The following ERFL variants were observed in gnomAD, a reference collection of about 807,000 sequenced individuals.
ERFL encodes the protein ETS domain-containing transcription factor ERF-like.
A neutral mutation model predicts 27.9 loss-of-function variants in ERFL; 8 were observed. That is an observed-to-expected ratio of 0.29 (90% CI 0.17 to 0.52). ERFL has a LOEUF of 0.52. ERFL is among the 20% of genes least tolerant of loss of function. The pLI, the probability that ERFL is intolerant of heterozygous loss-of-function variation, is 0.97. For synonymous variants in ERFL, 174 were observed against 202.8 expected (o/e 0.86, Z 1.21); for missense variants, 294 against 444.4 (o/e 0.66, Z 3.04).
chr19:41,917,482 C>G lies in ERFL; in HGVS notation c.-13-4550G>C, dbSNP rs1299309380. ...CCTTCATCCCTCACCCAGGCCCCCC[C>G]ATCCCCACCTCCCCTTAACACAATC... On this transcript the variant is annotated intron_variant, in intron 1 of 5. Coordinates refer to ENST00000597630, the MANE Select transcript of ERFL (RefSeq NM_001365103.2). The surrounding 1 kb of genome is among the most constrained non-coding windows in gnomAD (Gnocchi z 4.8). Among the ~76,000 whole-genome samples, 1 of 151,882 alleles carries G rather than the reference C, an allele frequency of 6.6e-6. No individual in the cohort carries two copies. The highest frequency in any genetic ancestry group is 1.5e-5 in the Non-Finnish European group (1 of 67,960).
chr19:41,908,263 T>TG lies in ERFL; in HGVS notation c.1029dup (p.Lys344GlnfsTer89), dbSNP rs1216275352. 129 of 1,231,558 alleles carry TG rather than the reference T, an allele frequency of 1.0e-4. No individual in the cohort carries two copies. The highest frequency in any genetic ancestry group is 1.2e-4 in the South Asian group (3 of 24,316). The allele number at this position is 1,231,558 out of a possible 1,614,324, so 76.3% of individuals were successfully genotyped here. On this transcript the variant is annotated frameshift_variant, in exon 6 of 6. Coordinates refer to ENST00000597630, the MANE Select transcript of ERFL (RefSeq NM_001365103.2). LOFTEE classifies it high-confidence loss of function. This position sits in a 1 kb window ranked among gnomAD's most constrained non-coding sequence, Gnocchi z 6.7. ...GTCCCCCCTTTGCCCGCCTTTGCCT[T>TG]GGGGGGTGCCGGGAGACCCTCATCG...
chr19:41,915,889 C>T (rs2074798037), intron 1 of ERFL, among the ~76,000 whole-genome samples: 1 of 152,204 alleles, frequency 6.6e-6, no homozygotes, highest in Non-Finnish European at 1.5e-5. Flanking sequence ...GACAAACGGC[C>T]CCAGCCCCAG....
At chr19:41,927,232 C>A (rs1257416325) in intron 1 of ERFL, among the ~76,000 whole-genome samples, 1 of 152,056 alleles carries the variant, frequency 6.6e-6, no homozygotes, top group Non-Finnish European at 1.5e-5. Flanking sequence ...CAGGGCCCTG[C>A]GACAGTGGTG....
intron 1 of ERFL, among the ~76,000 whole-genome samples, chr19:41,926,888 C>CAGAGACAGAGATGCTGGG (rs2074874684): frequency 6.6e-6 from 1 of 151,858 alleles, no homozygotes; most frequent in Non-Finnish European, 1.5e-5. Flanking sequence ...GAGGGGGAGA[C>CAGAGACAGAGATGCTGGG]AGAGACAGAG....
In ERFL at chr19:41,912,929, G is replaced by A. The variant is rs2074762435; in HGVS notation, c.-10C>T. On this transcript the variant is annotated 5_prime_UTR_variant, in exon 2 of 6. Transcript: ENST00000597630. ...CGCAGCTACAGTCCATGGCGGAGCC[G>A]GCCCTGCAGAGGCCGGGAGGGACAC... 4 of 1,229,792 alleles carry A rather than the reference G, an allele frequency of 3.3e-6. No homozygotes were observed. Among genetic ancestry groups the A allele is most frequent in the East Asian group, 3.2e-5 (1 of 31,680 alleles). 76.2% of individuals were successfully genotyped at this position (1,229,792 alleles called of 1,614,324 possible).
intron 2 of ERFL, among the ~76,000 whole-genome samples, chr19:41,911,742 A>G (rs2074752883): frequency 1.3e-5 from 2 of 152,166 alleles, no homozygotes; most frequent in African/African-American, 4.8e-5. Context: ...ACACACCCAC[A>G]GGACCCCAAG....
At chr19:41,915,232 A>AGGAGCC (rs2074793416) in intron 1 of ERFL, among the ~76,000 whole-genome samples, 1 of 145,106 alleles carries the variant, frequency 6.9e-6, no homozygotes, top group African/African-American at 2.6e-5. Context: ...CGTTATAACG[A>AGGAGCC]GGAGCCGTGG....
rs2074804035 is a variant in ERFL, at chr19:41,916,758, A to G, written c.-13-3826T>C. ...ACACCAGCACCAACCCAGACAGCCAACGCACACGGCCACACACACACCCAT... is the reference window on the plus strand; with the variant it reads ...ACACCAGCACCAACCCAGACAGCCAGCGCACACGGCCACACACACACCCAT... On this transcript the variant is annotated intron_variant, in intron 1 of 5. Transcript: ENST00000597630. The surrounding 1 kb of genome is among the most constrained non-coding windows in gnomAD (Gnocchi z 5.4). Among the ~76,000 whole-genome samples, 1 of 151,954 alleles carries G rather than the reference A, an allele frequency of 6.6e-6. No individual in the cohort carries two copies. Among genetic ancestry groups the G allele is most frequent in the African/African-American group, 2.4e-5 (1 of 41,330 alleles).
Position 41,910,089 on chromosome 19 carries a change from A to G in ERFL, c.76T>C (p.Phe26Leu), listed in dbSNP as rs1210107291. ...LPALWTPGFA[F>L]PDWAYKPESS... ...TCTGGCTTGTAGGCCCAATCCGGGA[A>G]GGCAAACCCTGGGGACGGGAGGCAG... The change falls in exon 3 of 6, where the codon TTC becomes CTC. Residue 26 changes from phenylalanine to leucine, a missense_variant. By Grantham distance (22) the Phe-to-Leu change is conservative. Transcript: ENST00000597630. This position sits in a 1 kb window ranked among gnomAD's most constrained non-coding sequence, Gnocchi z 4.4. 63 of 1,612,578 alleles carry G rather than the reference A, an allele frequency of 3.9e-5. No homozygotes were observed. The highest frequency in any genetic ancestry group is 5.2e-5 in the Non-Finnish European group (61 of 1,179,682).
chr19:41,919,124 C>A (rs1489181957), intron 1 of ERFL, among the ~76,000 whole-genome samples: 1 of 151,868 alleles, frequency 6.6e-6, no homozygotes, highest in Non-Finnish European at 1.5e-5. Flanking sequence ...CCACACACAT[C>A]ACCCACATAC....
intron 1 of ERFL, among the ~76,000 whole-genome samples, chr19:41,927,769 G>T (rs986907532): frequency 1.3e-5 from 2 of 152,044 alleles, no homozygotes; most frequent in Non-Finnish European, 2.9e-5. Context: ...CATCTCCGTG[G>T]CTCTCACTCG....
rs1327680030 is a variant in ERFL at position 41,921,222 on chromosome 19, C to G, written c.-14+6818G>C. On this transcript the variant is annotated intron_variant, in intron 1 of 5. Transcript: ENST00000597630. The surrounding 1 kb of genome is among the most constrained non-coding windows in gnomAD (Gnocchi z 4.4). ...CGTGGACCCCGCCTCCCCTCAGAGA[C>G]CCAGAGAGATGGAGGAACTGGAGGT... 6.6e-6 allele frequency among the ~76,000 whole-genome samples: 1 copy of G among 151,796 alleles called. No individual in the cohort carries two copies. Among genetic ancestry groups the G allele is most frequent in the South Asian group, 2.1e-4 (1 of 4,800 alleles).
chr19:41,925,252 G>A (rs2074864597), intron 1 of ERFL, among the ~76,000 whole-genome samples: 1 of 152,156 alleles, frequency 6.6e-6, no homozygotes, highest in African/African-American at 2.4e-5. Context: ...GTGAGGAATG[G>A]CAGGTGCAGG....
In ERFL at chr19:41,916,789, GAC is replaced by G. The variant is rs1352285884; in HGVS notation, c.-13-3859_-13-3858del. On this transcript the variant is annotated intron_variant, in intron 1 of 5. Coordinates refer to ENST00000597630, the MANE Select transcript of ERFL (RefSeq NM_001365103.2). This position sits in a 1 kb window ranked among gnomAD's most constrained non-coding sequence, Gnocchi z 5.4. ...ACGGCCACACACACACCCATTCACA[GAC>G]ACAGTCACAATCACACACACACACC... Among the ~76,000 whole-genome samples the G allele has an allele frequency of 6.6e-6, 1 of 151,746 alleles. No homozygotes were observed. The highest frequency in any genetic ancestry group is 1.5e-5 in the Non-Finnish European group (1 of 67,916).
At position 41,910,282 on chromosome 19, in the gene ERFL, G is replaced by T. The variant is rs553740475; in HGVS notation, c.68-185C>A. Among the ~76,000 whole-genome samples, 1 of 152,166 alleles carries T rather than the reference G, an allele frequency of 6.6e-6. No homozygotes were observed. Among genetic ancestry groups the T allele is most frequent in the South Asian group, 2.1e-4 (1 of 4,808 alleles). On this transcript the variant is annotated intron_variant, in intron 2 of 5. Coordinates refer to ENST00000597630, the MANE Select transcript of ERFL (RefSeq NM_001365103.2). The surrounding 1 kb of genome is among the most constrained non-coding windows in gnomAD (Gnocchi z 4.4). ...TGGTCCCCAAATTACCCAAATAAGG[G>T]CAAGAACCCAGTCATCCAGGGACCC... is the stretch of plus-strand genomic sequence containing the variant.
chr19:41,924,708 G>T (rs1197307567), intron 1 of ERFL, among the ~76,000 whole-genome samples: 1 of 152,146 alleles, frequency 6.6e-6, no homozygotes, highest in Non-Finnish European at 1.5e-5. Flanking sequence ...GGGAGCAGGT[G>T]TGGGGGTGGC....
Position 41,910,064 on chromosome 19 carries a change from T to C in ERFL, c.101A>G (p.Glu34Gly). 1.2e-6 allele frequency: 2 copies of C among 1,613,360 alleles called. No homozygotes were observed. Among genetic ancestry groups the C allele is most frequent in the Non-Finnish European group, 1.7e-6 (2 of 1,179,896 alleles). The change falls in exon 3 of 6, where the codon GAG (glutamate) becomes GGG (glycine). Residue 34 changes from glutamate to glycine, a missense_variant. Glu to Gly is a moderately conservative substitution (Grantham distance 98). This residue lies in a region of ERFL where 10 missense variants were observed against 37.7 expected (regional missense o/e 0.27). Coordinates refer to ENST00000597630, the MANE Select transcript of ERFL (RefSeq NM_001365103.2). This position sits in a 1 kb window ranked among gnomAD's most constrained non-coding sequence, Gnocchi z 4.4. ...FAFPDWAYKP[E>G]SSPGSRQIQL... is the part of the protein sequence containing the mutation. The stretch of plus-strand genomic sequence containing the variant: ...GATCTGCCTCGAGCCAGGGGATGAC[T>C]CTGGCTTGTAGGCCCAATCCGGGAA...
In ERFL at chr19:41,908,244, C is replaced by A. The variant is rs889833754; in HGVS notation, c.1049G>T (p.Gly350Val). The A allele has an allele frequency of 1.1e-5, 14 of 1,231,614 alleles. No individual in the cohort carries two copies. The highest frequency in any genetic ancestry group is 3.1e-5 in the African/African-American group (2 of 64,410). The allele number at this position is 1,231,614 out of a possible 1,614,324, so 76.3% of individuals were successfully genotyped here. Residue 350 changes from glycine (G) to valine (V), a missense_variant, in exon 6 of 6, where the codon GGG (glycine) becomes GTG (valine). This residue lies in a region of ERFL where 246 missense variants were observed against 371.4 expected (regional missense o/e 0.66). Transcript: ENST00000597630. The surrounding 1 kb of genome is among the most constrained non-coding windows in gnomAD (Gnocchi z 6.7). ...CCTGCCGGCTCAGCTGCCGGTCCCC[C>A]CTTTGCCCGCCTTTGCCTTGGGGGG... is the stretch of plus-strand genomic sequence containing the variant. The part of the protein sequence containing the change: ...PAPPKAKAGK[G>V]GTGS
intron 1 of ERFL, 25 bp from the exon 2 acceptor site, chr19:41,912,957 G>C (rs1230758992): frequency 1.8e-6 from 2 of 1,125,332 alleles, no homozygotes; most frequent in African/African-American, 1.6e-5. Context: ...AGGGACACAC[G>C]GGGACGGGGT....
Sources: gnomAD v4.1 joint callset for allele counts (sites outside exome capture counted in the v4.1 genomes callset) on GRCh38, gnomAD v4.1.1 for gene constraint, gnomAD v4.1.1 regional missense constraint, Gnocchi (gnomAD v3.1) non-coding constraint, MANE v1.5 for transcripts, NCBI Gene and HGNC (gene_info 2026-07-23, HGNC 2026-07-21) for gene names.